Variants in IFT88 observed in about 807,000 individuals in gnomAD.
IFT88 encodes the protein intraflagellar transport 88.
A neutral mutation model predicts 119.5 loss-of-function variants in IFT88; 74 were observed. The observed-to-expected ratio is 0.62, with a 90% CI of 0.51 to 0.75. The LOEUF is 0.75. Among genes scored for constraint, IFT88 ranks in the 30% least tolerant of loss-of-function variants. IFT88 has a pLI of 0.00. For synonymous variants in IFT88, 279 were observed against 316.7 expected (o/e 0.88, Z 1.26); for missense variants, 961 against 977.7 (o/e 0.98, Z 0.23).
intron 7 of IFT88, among the ~76,000 whole-genome samples, chr13:20,593,843 A>G (rs1352901039): frequency 1.3e-5 from 2 of 152,062 alleles, no homozygotes; most frequent in East Asian, 3.9e-4. Flanking sequence ...TGAGCCCAGG[A>G]GTTCAAGACT....
At chr13:20,652,587 A>C (rs1160310089) in intron 20 of IFT88, among the ~76,000 whole-genome samples, 1 of 151,970 alleles carries the variant, frequency 6.6e-6, no homozygotes, top group African/African-American at 2.4e-5. Context: ...CTGCACTTCA[A>C]TCTGGGTGAC....
chr13:20,608,950 A>G (rs1288066853), intron 13 of IFT88, among the ~76,000 whole-genome samples: 1 of 152,206 alleles, frequency 6.6e-6, no homozygotes, highest in African/African-American at 2.4e-5. Context: ...AATCATGTTC[A>G]GTATTTCAAG....
chr13:20,634,330 A>G (rs917170848), intron 16 of IFT88, among the ~76,000 whole-genome samples: 1 of 152,154 alleles, frequency 6.6e-6, no homozygotes, highest in South Asian at 2.1e-4. Flanking sequence ...CCAGTTATTC[A>G]TATCCCTCCC....
intron 13 of IFT88, among the ~76,000 whole-genome samples, chr13:20,612,562 C>A (rs763232089): frequency 1.3e-5 from 2 of 152,050 alleles, no homozygotes; most frequent in Non-Finnish European, 2.9e-5. Context: ...GCAGTGCTCC[C>A]CAAATTAATG....
At chr13:20,660,443 C>T (rs942550581) in intron 22 of IFT88, among the ~76,000 whole-genome samples, 1 of 152,150 alleles carries the variant, frequency 6.6e-6, no homozygotes, top group Admixed American at 6.5e-5. Flanking sequence ...TACAATTTGA[C>T]ATATGTTTTC....
At chr13:20,673,359 GA>G (rs2056191662) in intron 24 of IFT88, among the ~76,000 whole-genome samples, 3 of 152,112 alleles carry the variant, frequency 2.0e-5, no homozygotes, top group African/African-American at 7.2e-5. Context: ...TAGAACACCC[GA>G]AAAACTGCTG....
At chr13:20,579,326 A>G (rs1031315043) in intron 2 of IFT88, among the ~76,000 whole-genome samples, 2 of 152,110 alleles carry the variant, frequency 1.3e-5, no homozygotes, top group East Asian at 1.9e-4. Flanking sequence ...TTGGTGCTCT[A>G]TTCTTCTGCT....
Position 20,654,092 on chromosome 13 carries a change from A to C in IFT88, c.2002+164A>C, listed in dbSNP as rs150717004. Among the ~76,000 whole-genome samples, 12 of 152,354 alleles carry C rather than the reference A, an allele frequency of 7.9e-5. No homozygotes were observed. The East Asian group carries it at 2.3e-3, about 29-fold the overall frequency. ...GTATGAAAAACACAATAATTACTAC[A>C]TACAAAAAAGTTATGCTTACAAAAT... is the stretch of plus-strand genomic sequence containing the variant. On this transcript the variant is annotated intron_variant, in intron 21 of 25. Coordinates refer to ENST00000351808, the MANE Select transcript of IFT88 (RefSeq NM_006531.5).
At chr13:20,616,489 T>C (rs1225106740) in intron 14 of IFT88, among the ~76,000 whole-genome samples, 2 of 152,248 alleles carry the variant, frequency 1.3e-5, no homozygotes, top group Non-Finnish European at 2.9e-5. Flanking sequence ...TTTCTTGTAG[T>C]ATTCAATACA....
intron 1 of IFT88, among the ~76,000 whole-genome samples, chr13:20,570,163 TACA>T (rs1335819895): frequency 6.6e-6 from 1 of 152,154 alleles, no homozygotes; most frequent in Non-Finnish European, 1.5e-5. Flanking sequence ...AAGTCAATAC[TACA>T]ATGAGATACC....
At chr13:20,654,409 CT>C (rs1169123105) in intron 21 of IFT88, among the ~76,000 whole-genome samples, 5 of 152,130 alleles carry the variant, frequency 3.3e-5, no homozygotes, top group African/African-American at 1.2e-4. Context: ...TTATTAAATT[CT>C]TGCTGATGAC....
At chr13:20,618,626 A>G (rs1270804263) in intron 14 of IFT88, among the ~76,000 whole-genome samples, 2 of 152,178 alleles carry the variant, frequency 1.3e-5, no homozygotes, top group Non-Finnish European at 2.9e-5. Context: ...TGAGGAGCTC[A>G]TTAAAAGTAG....
intron 13 of IFT88, chr13:20,608,035 A>G (rs1236267282): frequency 1.1e-5 from 6 of 558,188 alleles, no homozygotes; most frequent in Non-Finnish European, 1.4e-5. Flanking sequence ...AAGCCCCACC[A>G]ATGGCCTCCT....
Position 20,690,770 on chromosome 13 carries a change from C to T in IFT88, c.2308C>T (p.Pro770Ser), listed in dbSNP as rs780802564. ...ERLSARLRAL[P>S]GTNEPYESSS... ...ACTAAGTGCCAGACTCAGAGCTTTACCTGGGACAAATGAACCTTATGAAAG... is the reference window on the plus strand; with the variant it reads ...ACTAAGTGCCAGACTCAGAGCTTTATCTGGGACAAATGAACCTTATGAAAG... The change falls in exon 25 of 26, where the codon CCT becomes TCT. Residue 770 changes from proline (P) to serine (S), a missense_variant. Transcript: ENST00000351808. The T allele has an allele frequency of 7.4e-6, 12 of 1,613,806 alleles. No homozygotes were observed. The highest frequency in any genetic ancestry group is 1.1e-5 in the South Asian group (1 of 91,074).
chr13:20,602,206 C>CT (rs11458148), intron 12 of IFT88, among the ~76,000 whole-genome samples: 10,158 of 117,764 alleles, frequency 0.086, 878 homozygotes, highest in African/African-American at 0.13. Context: ...AGCATAATAT[C>CT]TTTTTTTTTT....
At chr13:20,669,246 A>C (rs192630436) in intron 23 of IFT88, among the ~76,000 whole-genome samples, 1 of 152,298 alleles carries the variant, frequency 6.6e-6, no homozygotes, top group Admixed American at 6.5e-5. Flanking sequence ...AAAATTCTAG[A>C]TGAGTGCAGG....
intron 16 of IFT88, among the ~76,000 whole-genome samples, chr13:20,634,195 A>G (rs1285531038): frequency 1.3e-5 from 2 of 152,192 alleles, no homozygotes; most frequent in Admixed American, 1.3e-4. Flanking sequence ...TGAGTTTGTT[A>G]TTATTTTGTT....
At chr13:20,597,604 T>G (rs868105670) in intron 9 of IFT88, among the ~76,000 whole-genome samples, 1 of 151,552 alleles carries the variant, frequency 6.6e-6, no homozygotes, top group South Asian at 2.1e-4. Context: ...ATTAGCCGGG[T>G]GTGGTGGCGG....
At chr13:20,627,063 C>T (rs1447208766) in intron 15 of IFT88, among the ~76,000 whole-genome samples, 1 of 152,160 alleles carries the variant, frequency 6.6e-6, no homozygotes, top group Non-Finnish European at 1.5e-5. Flanking sequence ...AAAAAAGCAA[C>T]CCCAGTGTTC....
Sources: gnomAD v4.1 joint callset for allele counts (sites outside exome capture counted in the v4.1 genomes callset) on GRCh38, gnomAD v4.1.1 for gene constraint, MANE v1.5 for transcripts, NCBI Gene and HGNC (gene_info 2026-07-23, HGNC 2026-07-21) for gene names.